Variants in SPOCK3 observed in about 807,000 individuals in gnomAD.
The protein encoded by SPOCK3 is SPARC (osteonectin), cwcv and kazal like domains proteoglycan 3.
A neutral mutation model predicts 56.6 loss-of-function variants in SPOCK3; 30 were observed. The ratio of observed to expected loss-of-function variants is 0.53; its 90% confidence interval spans 0.40 to 0.72. The LOEUF (loss-of-function observed/expected upper bound fraction) is 0.72, where lower values mean the gene tolerates loss of function less well. Ranked by LOEUF, SPOCK3 falls within the 30% of genes least tolerant of loss-of-function variation. SPOCK3 has a pLI of 0.00. For missense variants in SPOCK3, 527 were observed against 530.0 expected, an observed-to-expected ratio of 0.99 and a Z score of 0.06; for synonymous variants, 196 against 183.3, an observed-to-expected ratio of 1.07 and a Z score of -0.56.
At chr4:166,773,797 C>G (rs917715125) in intron 7 of SPOCK3, among the ~76,000 whole-genome samples, 7 of 152,146 alleles carry the variant, frequency 4.6e-5, no homozygotes, top group Admixed American at 4.6e-4. Flanking sequence ...TGTATATAAG[C>G]ATAGGCACAC....
chr4:166,824,641 C>T (rs1275291090), intron 6 of SPOCK3, among the ~76,000 whole-genome samples: 2 of 151,966 alleles, frequency 1.3e-5, no homozygotes, highest in East Asian at 3.9e-4. Context: ...CTGTTTCTTC[C>T]CATGATTCCT....
intron 7 of SPOCK3, among the ~76,000 whole-genome samples, chr4:166,777,651 C>T (rs1244763618): frequency 6.6e-6 from 1 of 152,072 alleles, no homozygotes; most frequent in African/African-American, 2.4e-5. Flanking sequence ...GCAGGAGGAT[C>T]ACTTGAGCCC....
At chr4:166,946,636 C>A (rs1369296991) in intron 4 of SPOCK3, among the ~76,000 whole-genome samples, 1 of 152,204 alleles carries the variant, frequency 6.6e-6, no homozygotes. Context: ...TGCATTCTGG[C>A]CCTGCCCTGT....
At chr4:166,790,433 T>G (rs1455933545) in intron 7 of SPOCK3, among the ~76,000 whole-genome samples, 1 of 152,166 alleles carries the variant, frequency 6.6e-6, no homozygotes, top group Non-Finnish European at 1.5e-5. Context: ...ATTTCTTGTC[T>G]GTGGATTTGT....
At chr4:166,995,395 T>C (rs996905630) in intron 4 of SPOCK3, among the ~76,000 whole-genome samples, 3 of 152,064 alleles carry the variant, frequency 2.0e-5, no homozygotes, top group Non-Finnish European at 2.9e-5. Flanking sequence ...TAAAAGTAAT[T>C]AATTTTAAAA....
chr4:166,790,680 A>C (rs554619697), intron 7 of SPOCK3, among the ~76,000 whole-genome samples: 1 of 152,200 alleles, frequency 6.6e-6, no homozygotes, highest in East Asian at 1.9e-4. Flanking sequence ...GTGAATGTGT[A>C]CAATTACCCA....
intron 7 of SPOCK3, among the ~76,000 whole-genome samples, chr4:166,779,945 A>T (rs1739977566): frequency 6.6e-6 from 1 of 152,208 alleles, no homozygotes; most frequent in African/African-American, 2.4e-5. Flanking sequence ...GAGTTGAATA[A>T]CATCATTAAG....
At chr4:167,161,947 G>T (rs1014027315) in intron 2 of SPOCK3, among the ~76,000 whole-genome samples, 16 of 151,504 alleles carry the variant, frequency 1.1e-4, no homozygotes, top group African/African-American at 3.9e-4. Context: ...GTTAAATGAC[G>T]AGTTAATAGG....
intron 2 of SPOCK3, among the ~76,000 whole-genome samples, chr4:167,161,578 G>A (rs1198531850): frequency 1.3e-5 from 2 of 152,090 alleles, no homozygotes; most frequent in African/African-American, 4.8e-5. Context: ...CTGCTATAAA[G>A]GCACACGCTC....
At chr4:167,225,149 A>T (rs1281263190) in intron 2 of SPOCK3, among the ~76,000 whole-genome samples, 1 of 152,166 alleles carries the variant, frequency 6.6e-6, no homozygotes, top group Non-Finnish European at 1.5e-5. Context: ...TACCTCACAC[A>T]GATTAAGATT....
At chr4:167,073,380 C>A (rs187102508) in intron 2 of SPOCK3, among the ~76,000 whole-genome samples, 6 of 151,714 alleles carry the variant, frequency 4.0e-5, no homozygotes, top group Admixed American at 1.3e-4. Flanking sequence ...AAATAAATAA[C>A]GGTCATCATA....
intron 4 of SPOCK3, among the ~76,000 whole-genome samples, chr4:166,957,849 T>C (rs1238014670): frequency 6.6e-6 from 1 of 152,138 alleles, no homozygotes; most frequent in Non-Finnish European, 1.5e-5. Context: ...AAGTAACCAA[T>C]TTGTGTTTTA....
At chr4:166,954,763 C>A (rs1192009323) in intron 4 of SPOCK3, among the ~76,000 whole-genome samples, 5 of 152,140 alleles carry the variant, frequency 3.3e-5, no homozygotes. Context: ...CAAATTCAAT[C>A]CAATTTCTCT....
intron 6 of SPOCK3, among the ~76,000 whole-genome samples, chr4:166,869,781 A>T (rs986870146): frequency 7.2e-5 from 11 of 152,186 alleles, no homozygotes; most frequent in African/African-American, 2.4e-4. Flanking sequence ...TTATAGGGCA[A>T]ATCATCACAC....
At chr4:167,160,138 A>T (rs895010567) in intron 2 of SPOCK3, among the ~76,000 whole-genome samples, 6 of 152,102 alleles carry the variant, frequency 3.9e-5, no homozygotes, top group African/African-American at 1.4e-4. Flanking sequence ...ATATTTAGAA[A>T]ACCCCATTGT....
intron 2 of SPOCK3, among the ~76,000 whole-genome samples, chr4:167,065,109 T>C (rs1320025242): frequency 2.2e-5 from 3 of 139,316 alleles, no homozygotes; most frequent in Non-Finnish European, 3.1e-5. Flanking sequence ...CTATAGTAAA[T>C]GCAAGAAGAA....
At chr4:167,156,388 T>C (rs1414440758) in intron 2 of SPOCK3, among the ~76,000 whole-genome samples, 1 of 152,178 alleles carries the variant, frequency 6.6e-6, no homozygotes, top group African/African-American at 2.4e-5. Context: ...CCCAATTATG[T>C]TGTAACAACT....
intron 6 of SPOCK3, among the ~76,000 whole-genome samples, chr4:166,875,633 G>A (rs1732992898): frequency 6.6e-6 from 1 of 152,066 alleles, no homozygotes; most frequent in Non-Finnish European, 1.5e-5. Context: ...AAAACCAAAG[G>A]AGACAATATA....
intron 2 of SPOCK3, among the ~76,000 whole-genome samples, chr4:167,104,042 C>G (rs1759877979): frequency 6.6e-6 from 1 of 151,982 alleles, no homozygotes; most frequent in African/African-American, 2.4e-5. Flanking sequence ...TTTGGTGGAC[C>G]CTGATGCAGA....
Sources: gnomAD v4.1 joint callset for allele counts (sites outside exome capture counted in the v4.1 genomes callset) on GRCh38, gnomAD v4.1.1 for gene constraint, MANE v1.5 for transcripts, NCBI Gene and HGNC (gene_info 2026-07-23, HGNC 2026-07-21) for gene names.